The following CCDC171 variants were observed in gnomAD, a reference collection of about 807,000 sequenced individuals.
The protein encoded by CCDC171 is coiled-coil domain containing 171.
Under a neutral mutation model 168.2 loss-of-function variants are expected in CCDC171, and 177 were observed. That is an observed-to-expected ratio of 1.05 (90% CI 0.93 to 1.19). The LOEUF is 1.19. CCDC171 is among the 50% of genes most tolerant of loss of function. The pLI, the probability that CCDC171 is intolerant of heterozygous loss-of-function variation, is 0.00. For synonymous variants in CCDC171, 687 were observed against 540.8 expected (o/e 1.27, Z -3.75); for missense variants, 1,991 against 1,539.0 (o/e 1.29, Z -4.91).
chr9:15,752,821 A>G (rs182076227), intron 18 of CCDC171, among the ~76,000 whole-genome samples: 2 of 152,230 alleles, frequency 1.3e-5, no homozygotes, highest in East Asian at 1.9e-4. Context: ...GCAAACCAAC[A>G]TGGCTCATAT....
intron 18 of CCDC171, among the ~76,000 whole-genome samples, chr9:15,748,960 A>G (rs2055504089): frequency 6.6e-6 from 1 of 152,216 alleles, no homozygotes; most frequent in Non-Finnish European, 1.5e-5. Context: ...AAATTCACAT[A>G]TAACAATATT....
chr9:15,591,458 G>T lies in CCDC171; in HGVS notation c.445G>T (p.Glu149Ter). 1 of 1,607,930 alleles carries T rather than the reference G, an allele frequency of 6.2e-7. No homozygotes were observed. The highest frequency in any genetic ancestry group is 1.1e-5 in the South Asian group (1 of 89,790). ...QKWKEECRRF[E>*]HDLEERDNMI... ...ATGGAAAGAAGAATGCAGAAGATTT[G>T]AACATGATTTGGAGGAAAGAGACAA... Residue 149 changes from glutamate to a stop codon, truncating the protein, a stop_gained, in exon 5 of 26, where the codon GAA becomes TAA. Coordinates refer to ENST00000380701, the MANE Select transcript of CCDC171 (RefSeq NM_173550.4). LOFTEE classifies it high-confidence loss of function.
the CCDC171 span, among the ~76,000 whole-genome samples, chr9:16,099,766 CA>C: frequency 8.5e-5 from 13 of 152,276 alleles, no homozygotes; most frequent in African/African-American, 3.1e-4. Flanking sequence ...AGTCATTTAA[CA>C]AGGACAATGA....
At chr9:15,922,887 C>G (rs1825507060) in intron 25 of CCDC171, among the ~76,000 whole-genome samples, 1 of 151,392 alleles carries the variant, frequency 6.6e-6, no homozygotes. Flanking sequence ...CTATTTAGGT[C>G]TTTTGCCCAT....
Position 15,778,313 on chromosome 9 carries a change from CAAAAAAAAAAAAAAAAAAAAAAAA to C in CCDC171, c.2898+502_2898+525del, listed in dbSNP as rs71325933. ...TGGGCGACAGAGCGAGACTCCGTCT[CAAAAAAAAAAAAAAAAAAAAAAAA>C]AAAAAAAAAAAAAATCACTGGCCAG... On this transcript the variant is annotated intron_variant, in intron 19 of 25. Transcript: ENST00000380701. 1.3e-4 allele frequency among the ~76,000 whole-genome samples: 5 copies of C among 38,060 alleles called. No homozygotes were observed. The East Asian group carries it at 2.4e-3, about 18-fold the overall frequency. 25.0% of individuals were successfully genotyped at this position (38,060 alleles called of 152,430 possible).
At chr9:15,627,280 T>C (rs974032423) in intron 7 of CCDC171, among the ~76,000 whole-genome samples, 1 of 152,326 alleles carries the variant, frequency 6.6e-6, no homozygotes, top group East Asian at 1.9e-4. Flanking sequence ...CCTGGATTCA[T>C]TGATTTTTTT....
chr9:15,670,431 A>G (rs1564178284), intron 9 of CCDC171, among the ~76,000 whole-genome samples: 1 of 152,176 alleles, frequency 6.6e-6, no homozygotes, highest in Admixed American at 6.6e-5. Context: ...CAGCAGTTTC[A>G]TGCCCCATTG....
chr9:15,603,871 A>C (rs2043040211), intron 6 of CCDC171, among the ~76,000 whole-genome samples: 1 of 152,178 alleles, frequency 6.6e-6, no homozygotes, highest in African/African-American at 2.4e-5. Flanking sequence ...TCCCACCAAC[A>C]CTGTAAAAGC....
At chr9:15,850,099 A>G (rs2061062267) in intron 23 of CCDC171, 1 of 151,988 alleles carries the variant, frequency 6.6e-6, no homozygotes. Context: ...TTAGATTTGC[A>G]GTGAAAGAGA....
intron 7 of CCDC171, among the ~76,000 whole-genome samples, chr9:15,633,636 A>G (rs1252783984): frequency 6.6e-6 from 1 of 152,226 alleles, no homozygotes; most frequent in Non-Finnish European, 1.5e-5. Flanking sequence ...GGAATCTAGT[A>G]CTAGAAATAC....
intron 1 of CCDC171, among the ~76,000 whole-genome samples, chr9:16,055,546 A>C (rs1833826149): frequency 6.6e-6 from 1 of 152,208 alleles, no homozygotes; most frequent in Non-Finnish European, 1.5e-5. Context: ...CCCCTCAGCA[A>C]CGCCGCTGGG....
intron 1 of CCDC171, among the ~76,000 whole-genome samples, chr9:16,059,437 C>G (rs1012983946): frequency 6.6e-6 from 1 of 150,706 alleles, no homozygotes; most frequent in Admixed American, 6.6e-5. Flanking sequence ...AACGGCACCT[C>G]AAGGGGGCTT....
intron 6 of CCDC171, among the ~76,000 whole-genome samples, chr9:15,616,457 A>C (rs940390841): frequency 6.6e-6 from 1 of 151,832 alleles, no homozygotes; most frequent in East Asian, 1.9e-4. Flanking sequence ...TTATTTTACT[A>C]TATAAAATAC....
chr9:15,978,349 A>G (rs977975448), downstream of CCDC171, among the ~76,000 whole-genome samples: 1 of 151,846 alleles, frequency 6.6e-6, no homozygotes, highest in African/African-American at 2.4e-5. Flanking sequence ...CGGTGTTCTT[A>G]CTGAAGTGTT....
chr9:15,727,525 A>G (rs561490792), intron 14 of CCDC171, among the ~76,000 whole-genome samples: 3 of 152,336 alleles, frequency 2.0e-5, no homozygotes, highest in Non-Finnish European at 2.9e-5. Flanking sequence ...CTTATAAACA[A>G]TGAGTCCAAT....
Position 15,691,544 on chromosome 9 carries a change from T to TATATATATATA in CCDC171, c.1216-3691_1216-3690insATATATATATA, listed in dbSNP as rs1554762170. ...TTAAAAATACCTGTAAATATATGTT[T>TATATATATATA]TTTATATATATATATATATATATAT... is the stretch of plus-strand genomic sequence containing the variant. On this transcript the variant is annotated intron_variant, in intron 10 of 25. Coordinates refer to ENST00000380701, the MANE Select transcript of CCDC171 (RefSeq NM_173550.4). 5.1e-3 allele frequency among the ~76,000 whole-genome samples: 450 copies of TATATATATATA among 87,614 alleles called. 2 individuals are homozygous for TATATATATATA. Among genetic ancestry groups the TATATATATATA allele is most frequent in the African/African-American group, 0.023 (426 of 18,510 alleles). 57.5% of individuals were successfully genotyped at this position (87,614 alleles called of 152,430 possible). A position where few individuals can be genotyped will look rare whatever the true frequency, so the allele number is the denominator to read the frequency against.
chr9:16,079,475 G>A, the CCDC171 span, among the ~76,000 whole-genome samples: 1 of 152,224 alleles, frequency 6.6e-6, no homozygotes, highest in African/African-American at 2.4e-5. Flanking sequence ...TGAGGATGAA[G>A]GCAGAGATCA....
chr9:15,991,323 A>G (rs142067847), intron 3 of CCDC171, among the ~76,000 whole-genome samples: 6,689 of 151,558 alleles, frequency 0.044, 512 homozygotes, highest in African/African-American at 0.15. Flanking sequence ...CTGCTTCTGA[A>G]TGACTACTGG....
rs551724590 is a variant in CCDC171, at chr9:15,666,157, C to T, written c.916-6C>T. On this transcript the variant is annotated splice_region_variant and splice_polypyrimidine_tract_variant and intron_variant, in intron 8 of 25. Coordinates refer to ENST00000380701, the MANE Select transcript of CCDC171 (RefSeq NM_173550.4). ...TTGATTTAATTACTTGTCTGTCGTC[C>T]GGTAGTTACGGATTCGAGACCTTGA... The T allele has an allele frequency of 2.6e-5, 42 of 1,611,844 alleles. No individual in the cohort carries two copies. Among genetic ancestry groups the T allele is most frequent in the African/African-American group, 4.0e-5 (3 of 74,752 alleles).
Sources: gnomAD v4.1 joint callset for allele counts (sites outside exome capture counted in the v4.1 genomes callset) on GRCh38, gnomAD v4.1.1 for gene constraint, MANE v1.5 for transcripts, NCBI Gene and HGNC (gene_info 2026-07-23, HGNC 2026-07-21) for gene names.